SAMD12: variants seen among roughly 807,000 people sequenced by gnomAD.
SAMD12 encodes the protein sterile alpha motif domain-containing protein 12.
SAMD12 carries 9 observed loss-of-function variants against 15.0 expected under a neutral mutation model. The ratio of observed to expected loss-of-function variants is 0.60; its 90% CI spans 0.36 to 1.05. SAMD12 has a LOEUF of 1.05. SAMD12 is among the 50% of genes least tolerant of loss of function. The pLI, the probability that SAMD12 is intolerant of heterozygous loss-of-function variation, is 0.01. For missense variants in SAMD12, 230 were observed against 234.2 expected, an observed-to-expected ratio of 0.98 and a Z score of 0.12; for synonymous variants, 86 against 90.1, an observed-to-expected ratio of 0.96 and a Z score of 0.25.
In SAMD12 at chr8:118,269,666, T is replaced by C. The variant is rs984962537; in HGVS notation, c.434-71934A>G. On this transcript the variant is annotated intron_variant, in intron 4 of 4. Transcript: ENST00000409003. ...CTGATCAATATGGACAAGGATGCAA[T>C]GAGGTGGAAGCAAGACGTTTTATTC... Among the ~76,000 whole-genome samples, 3 of 152,186 alleles carry C rather than the reference T, an allele frequency of 2.0e-5. No individual in the cohort carries two copies. The East Asian group carries it at 5.8e-4, about 29-fold the overall frequency.
chr8:118,175,060 AC>A, the SAMD12 span, among the ~76,000 whole-genome samples: 3 of 151,888 alleles, frequency 2.0e-5, no homozygotes, highest in African/African-American at 7.3e-5. Flanking sequence ...AAAAAAACAA[AC>A]AAAAACCGGG....
chr8:118,521,070 C>T (rs1238279420), intron 2 of SAMD12, among the ~76,000 whole-genome samples: 1 of 152,162 alleles, frequency 6.6e-6, no homozygotes, highest in African/African-American at 2.4e-5. Flanking sequence ...GCCATCTAGT[C>T]CATGTCAGTG....
intron 4 of SAMD12, among the ~76,000 whole-genome samples, chr8:118,268,044 A>G (rs1813250789): frequency 6.6e-6 from 1 of 152,208 alleles, no homozygotes; most frequent in African/African-American, 2.4e-5. Context: ...GTGAGCCGAG[A>G]TCATGCCATT....
At chr8:118,482,793 G>A (rs1381374487) in intron 2 of SAMD12, among the ~76,000 whole-genome samples, 1 of 152,170 alleles carries the variant, frequency 6.6e-6, no homozygotes, top group African/African-American at 2.4e-5. Flanking sequence ...GGAACCCGAA[G>A]AGGTCACCTC....
intron 2 of SAMD12, among the ~76,000 whole-genome samples, chr8:118,511,896 G>A (rs985981636): frequency 1.2e-4 from 19 of 152,124 alleles, no homozygotes; most frequent in African/African-American, 4.6e-4. Flanking sequence ...GCAAACACTT[G>A]TTGCTACTTT....
At chr8:118,398,374 G>A (rs1011118898) in intron 3 of SAMD12, among the ~76,000 whole-genome samples, 4 of 151,884 alleles carry the variant, frequency 2.6e-5, no homozygotes, top group African/African-American at 9.7e-5. Flanking sequence ...ACTCCACCCT[G>A]GGCAACAGAA....
At chr8:118,344,922 A>G (rs1202163434) in intron 4 of SAMD12, among the ~76,000 whole-genome samples, 1 of 152,182 alleles carries the variant, frequency 6.6e-6, no homozygotes, top group Non-Finnish European at 1.5e-5. Flanking sequence ...GTAACATTAC[A>G]GTACTATTAT....
chr8:118,332,037 G>A (rs955418122), intron 4 of SAMD12, among the ~76,000 whole-genome samples: 5 of 152,126 alleles, frequency 3.3e-5, no homozygotes, highest in African/African-American at 1.2e-4. Flanking sequence ...CCTAGGTGGG[G>A]TGGGGGAAAG....
At chr8:118,568,725 A>G (rs1216367411) in intron 2 of SAMD12, among the ~76,000 whole-genome samples, 1 of 152,228 alleles carries the variant, frequency 6.6e-6, no homozygotes, top group Admixed American at 6.5e-5. Flanking sequence ...GACTTTAGTC[A>G]GTTATTATTG....
rs555659044 is a variant in SAMD12, at chr8:118,237,295, C to T, written c.434-39563G>A. 3.3e-5 allele frequency among the ~76,000 whole-genome samples: 5 copies of T among 149,436 alleles called. No individual in the cohort carries two copies. In the East Asian group the frequency reaches 7.7e-4, roughly 23 times the overall value. On this transcript the variant is annotated intron_variant, in intron 4 of 4. Transcript: ENST00000409003. ...ATGACTAATGATCGTACCTACCTTA[C>T]CAAATTGTTGGGATACACTAATGAG...
chr8:118,379,939 CACATTCAGTTAGAATGTGTGACTCAT>C (rs1200136974), intron 3 of SAMD12, among the ~76,000 whole-genome samples: 3 of 152,146 alleles, frequency 2.0e-5, no homozygotes, highest in Non-Finnish European at 4.4e-5. Flanking sequence ...CACTGACTCA[CACATTCAGTTAGAATGTGTGACTCAT>C]ACATTCAGTT....
chr8:118,516,638 C>CTTT (rs34734575), intron 2 of SAMD12, among the ~76,000 whole-genome samples: 91 of 139,884 alleles, frequency 6.5e-4, no homozygotes, highest in South Asian at 1.1e-3. Flanking sequence ...TTCTTTCTTT[C>CTTT]TTTTTTTTTT....
intron 2 of SAMD12, among the ~76,000 whole-genome samples, chr8:118,573,922 C>A (rs1165307674): frequency 2.0e-5 from 3 of 152,204 alleles, no homozygotes; most frequent in African/African-American, 7.2e-5. Flanking sequence ...ACAAGACAGA[C>A]TAGATCATCG....
intron 2 of SAMD12, among the ~76,000 whole-genome samples, chr8:118,526,054 T>C (rs188940208): frequency 1.3e-5 from 2 of 152,330 alleles, no homozygotes; most frequent in Admixed American, 1.3e-4. Flanking sequence ...CCAAGTCTTA[T>C]TTGTCCTAAA....
chr8:118,306,108 G>A (rs939186565), intron 4 of SAMD12, among the ~76,000 whole-genome samples: 2 of 152,086 alleles, frequency 1.3e-5, no homozygotes, highest in African/African-American at 4.8e-5. Context: ...GGCTGCCTCA[G>A]TTTTGAAGTT....
At chr8:118,611,708 C>T (rs893136366) in intron 1 of SAMD12, among the ~76,000 whole-genome samples, 3 of 152,192 alleles carry the variant, frequency 2.0e-5, no homozygotes, top group Non-Finnish European at 2.9e-5. Flanking sequence ...CATTTCCAAC[C>T]TCAGACAACA....
At chr8:118,246,034 C>T (rs761883300) in intron 4 of SAMD12, among the ~76,000 whole-genome samples, 1 of 152,098 alleles carries the variant, frequency 6.6e-6, no homozygotes, top group Non-Finnish European at 1.5e-5. Flanking sequence ...TTTTCAGTTC[C>T]AGGCAGGCTC....
At chr8:118,207,917 C>T (rs1171076235) in intron 4 of SAMD12, among the ~76,000 whole-genome samples, 1 of 81,482 alleles carries the variant, frequency 1.2e-5, no homozygotes, top group East Asian at 2.1e-4. Flanking sequence ...ACAAGGTCTA[C>T]GTAAATACTC....
At chr8:118,474,425 G>A (rs1823896665) in intron 2 of SAMD12, among the ~76,000 whole-genome samples, 1 of 151,972 alleles carries the variant, frequency 6.6e-6, no homozygotes, top group Non-Finnish European at 1.5e-5. Context: ...TTGTTGCCTA[G>A]GCTGGAGTGC....
Sources: allele counts gnomAD v4.1 joint callset (sites outside exome capture counted in the v4.1 genomes callset), GRCh38; gene constraint gnomAD v4.1.1; transcripts MANE v1.5; gene names NCBI Gene and HGNC (gene_info 2026-07-23, HGNC 2026-07-21).